EVL: variants seen among roughly 807,000 people sequenced by gnomAD.
EVL encodes the protein Enah/Vasp-like.
A neutral mutation model predicts 59.6 loss-of-function variants in EVL; 21 were observed. That is an observed-to-expected ratio of 0.35 (90% CI 0.25 to 0.51). The LOEUF is 0.51. Among genes scored for constraint, EVL ranks in the 20% least tolerant of loss-of-function variants. The pLI, the probability that EVL is intolerant of heterozygous loss-of-function variation, is 0.97. For missense variants in EVL, 462 were observed against 546.6 expected, an observed-to-expected ratio of 0.85 and a Z score of 1.54; for synonymous variants, 198 against 203.5, an observed-to-expected ratio of 0.97 and a Z score of 0.23.
At chr14:100,053,283 TC>T (rs1371611722) in intron 1 of EVL, among the ~76,000 whole-genome samples, 3 of 152,192 alleles carry the variant, frequency 2.0e-5, no homozygotes, top group African/African-American at 7.2e-5. Context: ...CTTTTTCTCC[TC>T]GTTTTTTCTC....
intron 1 of EVL, among the ~76,000 whole-genome samples, chr14:100,083,643 T>G (rs1236647836): frequency 6.6e-6 from 1 of 152,232 alleles, no homozygotes; most frequent in Non-Finnish European, 1.5e-5. Flanking sequence ...TCTCCCCTGC[T>G]TCTCTGTCAT....
chr14:100,000,509 G>C (rs975922336), intron 1 of EVL, among the ~76,000 whole-genome samples: 2 of 151,910 alleles, frequency 1.3e-5, no homozygotes, highest in African/African-American at 4.8e-5. Flanking sequence ...CATCATGCCC[G>C]GCTCATTTCT....
chr14:100,105,070 A>G lies in EVL; in HGVS notation c.358+7412A>G, dbSNP rs371684297. 3.9e-5 allele frequency among the ~76,000 whole-genome samples: 6 copies of G among 152,194 alleles called. 1 individual carries two copies. Among genetic ancestry groups the G allele is most frequent in the African/African-American group, 1.4e-4 (6 of 41,532 alleles). ...TCCAGGGCCACCTCCTTGCTGCTCC[A>G]TCTACTGCCTCCTGTTGGGCAGCTG... On this transcript the variant is annotated intron_variant, in intron 3 of 13. Transcript: ENST00000392920.
intron 3 of EVL, chr14:100,102,437 C>T (rs1476834751): frequency 5.5e-5 from 25 of 450,526 alleles, no homozygotes; most frequent in Non-Finnish European, 4.9e-5. Context: ...CAGGTGACAT[C>T]TACATTGTCT....
At chr14:100,135,151 C>T (rs1888694611) in intron 8 of EVL, 1 of 152,248 alleles carries the variant, frequency 6.6e-6, no homozygotes, top group Non-Finnish European at 1.5e-5. Flanking sequence ...CTGCTTTTGC[C>T]TCTCGACCAG....
rs143244440 is a variant in EVL at position 99,987,857 on chromosome 14, T to C, written c.5+15800T>C. Among the ~76,000 whole-genome samples the C allele has an allele frequency of 4.6e-3, 699 of 151,540 alleles. 19 individuals carry two copies. Among genetic ancestry groups the C allele is most frequent in the Admixed American group, 0.035 (525 of 15,160 alleles). Reference sequence around the variant, plus strand: ...CACCCAGTTTCTGGTATTTTTGTTATAGCAGCTTGAATAGACTAAGACATC... The same window carrying C: ...CACCCAGTTTCTGGTATTTTTGTTACAGCAGCTTGAATAGACTAAGACATC... On this transcript the variant is annotated intron_variant, in intron 1 of 13. Coordinates refer to the EVL transcript ENST00000402714.
chr14:99,994,546 A>G (rs2060899825), intron 1 of EVL, among the ~76,000 whole-genome samples: 2 of 151,726 alleles, frequency 1.3e-5, no homozygotes, highest in Admixed American at 6.6e-5. Flanking sequence ...TAAAAACTCT[A>G]CTCCTTTACA....
At chr14:99,990,358 C>G (rs1482300755) in intron 1 of EVL, among the ~76,000 whole-genome samples, 1 of 152,122 alleles carries the variant, frequency 6.6e-6, no homozygotes, top group Admixed American at 6.6e-5. Context: ...ATTGTAAAAA[C>G]ATTAAACCCA....
intron 1 of EVL, among the ~76,000 whole-genome samples, chr14:100,030,393 C>T (rs372149351): frequency 2.0e-5 from 3 of 152,148 alleles, no homozygotes; most frequent in Non-Finnish European, 1.5e-5. Context: ...TGAGCCACCG[C>T]GCCCGGCCGA....
At chr14:100,107,104 G>T (rs1187661515) in intron 3 of EVL, 5 of 398,648 alleles carry the variant, frequency 1.3e-5, no homozygotes, top group Non-Finnish European at 2.2e-5. Flanking sequence ...GATGCCCGGT[G>T]CCTGGTATGT....
intron 3 of EVL, among the ~76,000 whole-genome samples, chr14:100,105,831 G>A (rs1241661672): frequency 3.3e-5 from 5 of 152,062 alleles, no homozygotes; most frequent in Non-Finnish European, 5.9e-5. Context: ...AGCAGCAGCC[G>A]CTTGGCCACA....
At chr14:100,065,375 G>T (rs1000923070), upstream of EVL, 31 of 1,057,330 alleles carry the variant, frequency 2.9e-5, 1 homozygote, top group Non-Finnish European at 3.5e-5. Flanking sequence ...TTTCCTGTTT[G>T]GTTTTAAGTA....
chr14:100,131,139 G>A (rs1888411203), intron 7 of EVL, among the ~76,000 whole-genome samples: 2 of 152,292 alleles, frequency 1.3e-5, no homozygotes, highest in Admixed American at 6.5e-5. Context: ...GCAGGGCATC[G>A]GGTTCCACCT....
chr14:99,982,550 GGA>G (rs1468023576), intron 1 of EVL, among the ~76,000 whole-genome samples: 1 of 152,166 alleles, frequency 6.6e-6, no homozygotes, highest in Admixed American at 6.5e-5. Context: ...AAAGGAATCA[GGA>G]GAGAGAAGTA....
chr14:100,043,351 G>A (rs1227973960), intron 1 of EVL, among the ~76,000 whole-genome samples: 1 of 151,560 alleles, frequency 6.6e-6, no homozygotes, highest in Non-Finnish European at 1.5e-5. Context: ...ACTTATTAGA[G>A]GTATTGAGTC....
At chr14:100,075,511 T>C (rs557321350) in intron 1 of EVL, among the ~76,000 whole-genome samples, 6 of 152,316 alleles carry the variant, frequency 3.9e-5, no homozygotes, top group Admixed American at 3.9e-4. Flanking sequence ...TGGCCACTTC[T>C]CTCTAGCCCC....
At chr14:100,141,469 T>C (rs1419755518) in intron 12 of EVL, among the ~76,000 whole-genome samples, 1 of 152,186 alleles carries the variant, frequency 6.6e-6, no homozygotes, top group East Asian at 1.9e-4. Flanking sequence ...TCTGGGCACC[T>C]CCCTCAGGCC....
At chr14:100,134,040 C>G (rs1215857274) in intron 8 of EVL, among the ~76,000 whole-genome samples, 2 of 152,248 alleles carry the variant, frequency 1.3e-5, no homozygotes, top group African/African-American at 4.8e-5. Flanking sequence ...TCCCGAGGCC[C>G]TCTGCACAGG....
chr14:100,077,843 GC>G (rs1406778420), intron 1 of EVL, among the ~76,000 whole-genome samples: 2 of 152,134 alleles, frequency 1.3e-5, no homozygotes. Context: ...CGCAATCTCG[GC>G]TCACTGCAAG....
Sources: allele counts gnomAD v4.1 joint callset (sites outside exome capture counted in the v4.1 genomes callset), GRCh38; gene constraint gnomAD v4.1.1; transcripts MANE v1.5; gene names NCBI Gene and HGNC (gene_info 2026-07-23, HGNC 2026-07-21).